NDST4: variants seen among roughly 807,000 people sequenced by gnomAD.
NDST4 encodes N-deacetylase and N-sulfotransferase 4.
A neutral mutation model predicts 100.8 loss-of-function variants in NDST4; 63 were observed. That is an observed-to-expected ratio of 0.62 (90% CI 0.51 to 0.77). The LOEUF (loss-of-function observed/expected upper bound fraction) is 0.77. Ranked by LOEUF, NDST4 falls within the 30% of genes least tolerant of loss-of-function variation. The pLI, the probability that NDST4 is intolerant of heterozygous loss-of-function variation, is 0.00. For synonymous variants in NDST4, 377 were observed against 361.8 expected (o/e 1.04, Z -0.48); for missense variants, 943 against 1,018.4 (o/e 0.93, Z 1.01).
At chr4:115,014,177 G>A (rs966264205) in intron 2 of NDST4, among the ~76,000 whole-genome samples, 1 of 152,020 alleles carries the variant, frequency 6.6e-6, no homozygotes, top group African/African-American at 2.4e-5. Context: ...GTGTTTGGCT[G>A]GTAAGGCCAG....
At chr4:115,101,973 A>T (rs2126298429) in intron 1 of NDST4, among the ~76,000 whole-genome samples, 1 of 152,220 alleles carries the variant, frequency 6.6e-6, no homozygotes, top group East Asian at 1.9e-4. Context: ...GAGAGATTTG[A>T]AAAAGAAGAG....
chr4:115,052,605 G>A (rs1258328149), intron 2 of NDST4, among the ~76,000 whole-genome samples: 1 of 151,786 alleles, frequency 6.6e-6, no homozygotes, highest in East Asian at 1.9e-4. Context: ...TCTCTTGCCT[G>A]CCCTCCCGTA....
At chr4:115,055,507 G>A (rs1004681111) in intron 2 of NDST4, among the ~76,000 whole-genome samples, 1 of 152,030 alleles carries the variant, frequency 6.6e-6, no homozygotes, top group Non-Finnish European at 1.5e-5. Context: ...TTACTGATAT[G>A]TATAAATCAT....
intron 6 of NDST4, among the ~76,000 whole-genome samples, chr4:114,896,663 AT>A (rs1724721245): frequency 6.6e-6 from 1 of 151,842 alleles, no homozygotes; most frequent in Non-Finnish European, 1.5e-5. Context: ...AAAATACTGC[AT>A]TTTAGAAGAA....
chr4:114,829,707 A>G, intron 13 of NDST4, 83 bp downstream of exon 13: 1 of 915,520 alleles, frequency 1.1e-6, no homozygotes, highest in African/African-American at 1.7e-5. Flanking sequence ...CAGAAAAAGG[A>G]AGCAAATTTC....
intron 2 of NDST4, 50 bp from the exon 3 acceptor site, chr4:114,977,324 T>A: frequency 1.5e-6 from 2 of 1,300,174 alleles, no homozygotes; most frequent in Non-Finnish European, 2.2e-6. Context: ...AATATGAAGT[T>A]TTGGGATGCC....
intron 8 of NDST4, among the ~76,000 whole-genome samples, chr4:114,851,643 T>C (rs1361468698): frequency 6.6e-6 from 1 of 152,230 alleles, no homozygotes; most frequent in Non-Finnish European, 1.5e-5. Context: ...AGTGTTTTAT[T>C]TCTTTAGTAG....
intron 1 of NDST4, among the ~76,000 whole-genome samples, chr4:115,096,784 G>A (rs942647842): frequency 2.0e-5 from 3 of 151,860 alleles, no homozygotes; most frequent in Non-Finnish European, 4.4e-5. Context: ...GCTATATTTT[G>A]TTCCTGTCTA....
At chr4:114,901,615 G>C (rs1003622230) in intron 6 of NDST4, among the ~76,000 whole-genome samples, 2 of 151,756 alleles carry the variant, frequency 1.3e-5, no homozygotes, top group African/African-American at 4.8e-5. Flanking sequence ...GATGTACTTA[G>C]ACTATTGAAA....
intron 2 of NDST4, among the ~76,000 whole-genome samples, chr4:115,061,555 T>C (rs1328334733): frequency 6.6e-6 from 1 of 151,124 alleles, no homozygotes; most frequent in African/African-American, 2.4e-5. Flanking sequence ...TTCTCACTCA[T>C]AAGTGGGAGT....
At chr4:114,954,384 G>A (rs1297836771) in intron 4 of NDST4, among the ~76,000 whole-genome samples, 2 of 152,010 alleles carry the variant, frequency 1.3e-5, no homozygotes, top group African/African-American at 4.8e-5. Context: ...CTATCATGAG[G>A]CTTAAATGTA....
chr4:115,007,631 T>C (rs1727451188), intron 2 of NDST4, among the ~76,000 whole-genome samples: 2 of 68,206 alleles, frequency 2.9e-5, no homozygotes, highest in Middle Eastern at 0.014. Context: ...ACTGATGGAA[T>C]AAAGTCCCAA....
At chr4:114,919,691 AG>A (rs770696546) in intron 6 of NDST4, among the ~76,000 whole-genome samples, 3 of 152,204 alleles carry the variant, frequency 2.0e-5, no homozygotes, top group African/African-American at 4.8e-5. Flanking sequence ...AAAGCATTGG[AG>A]GACATTAAGA....
At chr4:114,832,368 T>C (rs1218763146) in intron 12 of NDST4, among the ~76,000 whole-genome samples, 1 of 152,238 alleles carries the variant, frequency 6.6e-6, no homozygotes, top group African/African-American at 2.4e-5. Flanking sequence ...GGTTCTAATC[T>C]GCTGCGAACT....
intron 7 of NDST4, among the ~76,000 whole-genome samples, chr4:114,868,594 CTTGT>C (rs1335211564): frequency 6.6e-6 from 1 of 151,740 alleles, no homozygotes; most frequent in African/African-American, 2.4e-5. Flanking sequence ...TTTTCTATTC[CTTGT>C]TTTTCTTCTT....
intron 2 of NDST4, among the ~76,000 whole-genome samples, chr4:115,058,030 T>A (rs986761905): frequency 6.6e-6 from 1 of 152,136 alleles, no homozygotes; most frequent in Non-Finnish European, 1.5e-5. Context: ...GAAGTCAACA[T>A]AGAAAATGCA....
intron 6 of NDST4, among the ~76,000 whole-genome samples, chr4:114,899,127 C>G (rs1375898411): frequency 2.0e-5 from 3 of 152,036 alleles, no homozygotes; most frequent in Non-Finnish European, 4.4e-5. Flanking sequence ...TGGAAAGCTT[C>G]CAGTTTCTCA....
intron 2 of NDST4, among the ~76,000 whole-genome samples, chr4:115,022,703 T>A (rs1727884752): frequency 6.6e-6 from 1 of 152,026 alleles, no homozygotes; most frequent in African/African-American, 2.4e-5. Flanking sequence ...TTCCCACATA[T>A]CATGGGAGGA....
chr4:115,027,054 G>A (rs980095937), intron 2 of NDST4, among the ~76,000 whole-genome samples: 7 of 152,128 alleles, frequency 4.6e-5, no homozygotes, highest in African/African-American at 1.7e-4. Flanking sequence ...GGTGGTTGAA[G>A]TTGACACCTT....
Sources: allele counts gnomAD v4.1 joint callset (sites outside exome capture counted in the v4.1 genomes callset), GRCh38; gene constraint gnomAD v4.1.1; transcripts MANE v1.5; gene names NCBI Gene and HGNC (gene_info 2026-07-23, HGNC 2026-07-21).